Variants in CACNG2 observed in about 807,000 individuals in gnomAD.
CACNG2 encodes the protein calcium voltage-gated channel auxiliary subunit gamma 2, also known as voltage-dependent calcium channel gamma-2 subunit.
A neutral mutation model predicts 25.9 loss-of-function variants in CACNG2; 3 were observed. The ratio of observed to expected loss-of-function variants is 0.12; its 90% CI spans 0.05 to 0.30. CACNG2 has a LOEUF of 0.30. CACNG2 is among the 10% of genes least tolerant of loss of function. The probability of loss-of-function intolerance (pLI) is 1.00; values close to 1 mark genes in which losing one functional copy is unlikely to be tolerated. For missense variants in CACNG2, 341 were observed against 432.5 expected, an observed-to-expected ratio of 0.79 and a Z score of 1.88; for synonymous variants, 167 against 173.3, an observed-to-expected ratio of 0.96 and a Z score of 0.29.
intron 1 of CACNG2, among the ~76,000 whole-genome samples, chr22:36,655,793 CT>C (rs992018532): frequency 4.1e-5 from 5 of 122,034 alleles, no homozygotes; most frequent in Admixed American, 2.7e-4. Context: ...TCCTTCCTTC[CT>C]TCTTTCTTCT....
At chr22:36,579,142 C>T (rs993331773) in intron 2 of CACNG2, among the ~76,000 whole-genome samples, 1 of 152,138 alleles carries the variant, frequency 6.6e-6, no homozygotes, top group Non-Finnish European at 1.5e-5. Flanking sequence ...TGATAGCTCA[C>T]ACCTGTAATC....
chr22:36,617,480 G>A (rs1936040086), intron 1 of CACNG2, among the ~76,000 whole-genome samples: 1 of 151,762 alleles, frequency 6.6e-6, no homozygotes, highest in South Asian at 2.1e-4. Context: ...GTAAACCTTG[G>A]CTTTGTCACT....
rs534467695 is a variant in CACNG2 at position 36,563,244 on chromosome 22, G to A, written c.*1107C>T. On this transcript the variant is annotated 3_prime_UTR_variant, in exon 4 of 4. Transcript: ENST00000300105. Reference sequence around the variant, plus strand: ...TCAGTGAGTCCAAGGACCCCCAAAGGGTCAATGAACCCCCTTCCCAGGGGA... The same window carrying A: ...TCAGTGAGTCCAAGGACCCCCAAAGAGTCAATGAACCCCCTTCCCAGGGGA... Among the ~76,000 whole-genome samples, 24 of 152,234 alleles carry A rather than the reference G, an allele frequency of 1.6e-4. No individual in the cohort carries two copies. In the East Asian group the frequency reaches 4.7e-3, roughly 30 times the overall value.
chr22:36,679,042 A>G (rs938622271), intron 1 of CACNG2, among the ~76,000 whole-genome samples: 3 of 152,348 alleles, frequency 2.0e-5, no homozygotes, highest in Admixed American at 1.3e-4. Context: ...GAAACGTCAC[A>G]GCTGGCTGTG....
chr22:36,623,055 C>G (rs1279472628), intron 1 of CACNG2, among the ~76,000 whole-genome samples: 1 of 124,606 alleles, frequency 8.0e-6, no homozygotes, highest in Non-Finnish European at 1.6e-5. Flanking sequence ...ATCTCTCTCT[C>G]TCTCTCCCAG....
chr22:36,612,851 G>A (rs910419167), intron 1 of CACNG2, among the ~76,000 whole-genome samples: 1 of 152,162 alleles, frequency 6.6e-6, no homozygotes, highest in African/African-American at 2.4e-5. Context: ...CTTGGGAGAG[G>A]ATGCTTTTTA....
intron 1 of CACNG2, among the ~76,000 whole-genome samples, chr22:36,658,309 A>G (rs1051296339): frequency 1.3e-5 from 2 of 152,220 alleles, no homozygotes; most frequent in African/African-American, 4.8e-5. Context: ...ATCCAAGATC[A>G]AGGCAGATTC....
rs1569057612 is a variant in CACNG2 at position 36,703,250 on chromosome 22, G to GGCGGCGGCGGCGGCAGGGCGGGCAGGC, written c.-701_-675dup. On this transcript the variant is annotated 5_prime_UTR_variant, in exon 1 of 4. Transcript: ENST00000300105. ...GTTTTGCCCGGGCAGCGGCGGCGGC[G>GGCGGCGGCGGCGGCAGGGCGGGCAGGC]GCGGCGGCGGCGGCAGGGCGGGCAG... is the stretch of plus-strand genomic sequence containing the variant. The GGCGGCGGCGGCGGCAGGGCGGGCAGGC allele has an allele frequency of 6.3e-6, 1 of 158,960 alleles. No homozygotes were observed. The highest frequency in any genetic ancestry group is 1.3e-5 in the Non-Finnish European group (1 of 75,340). 9.8% of individuals were successfully genotyped at this position (158,960 alleles called of 1,614,324 possible).
chr22:36,668,341 G>T (rs1936902479), intron 1 of CACNG2, among the ~76,000 whole-genome samples: 1 of 152,228 alleles, frequency 6.6e-6, no homozygotes, highest in Admixed American at 6.5e-5. Flanking sequence ...AATATATATA[G>T]AGAGATATAA....
At chr22:36,632,960 G>T (rs996885956) in intron 1 of CACNG2, among the ~76,000 whole-genome samples, 3 of 151,896 alleles carry the variant, frequency 2.0e-5, no homozygotes, top group Non-Finnish European at 1.5e-5. Context: ...TACAATTCAC[G>T]TCTCCAGCTC....
At chr22:36,643,200 CTCCT>C (rs993716666) in intron 1 of CACNG2, among the ~76,000 whole-genome samples, 8 of 141,512 alleles carry the variant, frequency 5.7e-5, no homozygotes, top group South Asian at 2.2e-4. Flanking sequence ...TCCTTTCTTT[CTCCT>C]TCCTTCCTTC....
chr22:36,633,058 C>T (rs973133926), intron 1 of CACNG2, among the ~76,000 whole-genome samples: 1 of 152,222 alleles, frequency 6.6e-6, no homozygotes, highest in Non-Finnish European at 1.5e-5. Flanking sequence ...TAGAACCTCA[C>T]TACCTCACTT....
At chr22:36,594,701 GTC>G (rs1491012232) in intron 1 of CACNG2, among the ~76,000 whole-genome samples, 4 of 145,218 alleles carry the variant, frequency 2.8e-5, no homozygotes, top group Admixed American at 7.0e-5. Context: ...CTGTGTGTGT[GTC>G]TGTGTGTGTG....
chr22:36,636,652 C>G (rs763591221), intron 1 of CACNG2, among the ~76,000 whole-genome samples: 2 of 152,226 alleles, frequency 1.3e-5, no homozygotes, highest in Non-Finnish European at 1.5e-5. Flanking sequence ...TGCTATTTAC[C>G]GTACCCCCGT....
At chr22:36,651,581 C>T (rs1018630683) in intron 1 of CACNG2, among the ~76,000 whole-genome samples, 1 of 152,144 alleles carries the variant, frequency 6.6e-6, no homozygotes, top group African/African-American at 2.4e-5. Context: ...GAACTGGGCC[C>T]TGCAAATTAT....
chr22:36,594,854 G>A (rs931977548), intron 1 of CACNG2, among the ~76,000 whole-genome samples: 1 of 151,024 alleles, frequency 6.6e-6, no homozygotes, highest in African/African-American at 2.4e-5. Context: ...GCATGTGTGT[G>A]TGTGTGCATG....
intron 1 of CACNG2, among the ~76,000 whole-genome samples, chr22:36,681,289 C>T (rs73884136): frequency 0.022 from 3,346 of 152,244 alleles, 108 homozygotes; most frequent in African/African-American, 0.076. Context: ...TCCAAGCCCT[C>T]GCAGAGACTG....
chr22:36,577,081 C>G (rs914139387), intron 2 of CACNG2, among the ~76,000 whole-genome samples: 1 of 152,092 alleles, frequency 6.6e-6, no homozygotes, highest in Non-Finnish European at 1.5e-5. Context: ...CCTGGTCCCC[C>G]GGGGGCCTCT....
At chr22:36,587,593 G>T in intron 1 of CACNG2, 45 bp from the exon 2 acceptor site, 2 of 1,456,396 alleles carry the variant, frequency 1.4e-6, no homozygotes, top group Non-Finnish European at 1.9e-6. Context: ...TCATAGTTTT[G>T]GGGGCGCTTA....
Sources: gnomAD v4.1 joint callset for allele counts (sites outside exome capture counted in the v4.1 genomes callset) on GRCh38, gnomAD v4.1.1 for gene constraint, MANE v1.5 for transcripts, NCBI Gene and HGNC (gene_info 2026-07-23, HGNC 2026-07-21) for gene names.